The following ICE1 variants were observed in gnomAD, a reference collection of about 807,000 sequenced individuals.
ICE1 encodes little elongation complex subunit 1.
In ICE1, 64 loss-of-function variants were observed where a neutral mutation model predicts 192.7. The ratio of observed to expected loss-of-function variants is 0.33; its 90% CI spans 0.27 to 0.41. The LOEUF is 0.41. Ranked by LOEUF, ICE1 falls within the 10% of genes least tolerant of loss-of-function variation. The pLI is 1.00. For missense variants in ICE1, 2,708 were observed against 2,696.0 expected (o/e 1.00, Z -0.10); for synonymous variants, 1,010 against 984.5 (o/e 1.03, Z -0.49).
intron 17 of ICE1, among the ~76,000 whole-genome samples, chr5:5,484,862 A>C (rs1023121470): frequency 6.6e-6 from 1 of 152,228 alleles, no homozygotes; most frequent in Non-Finnish European, 1.5e-5. Flanking sequence ...AACGCTGAGC[A>C]TACAATATGA....
In ICE1 at chr5:5,422,776, C is replaced by A; in HGVS notation, c.-140C>A. 1 of 457,964 alleles carries A rather than the reference C, an allele frequency of 2.2e-6. No homozygotes were observed. The highest frequency in any genetic ancestry group is 3.5e-6 in the Non-Finnish European group (1 of 288,148). 28.4% of individuals were successfully genotyped at this position (457,964 alleles called of 1,614,324 possible). ...CCTTTTGCTAGCCCCACGGGGACCT[C>A]TGTGCACGGATGGACCCGCCCGGAC... On this transcript the variant is annotated 5_prime_UTR_variant, in exon 1 of 19. In the 5' UTR this introduces an upstream ATG that the reference lacks. Coordinates refer to ENST00000296564, the MANE Select transcript of ICE1 (RefSeq NM_015325.3).
rs750414017 is a variant in ICE1 at position 5,489,186 on chromosome 5, T to C, written c.6657T>C (p.Ala2219=). 1 of 1,614,028 alleles carries C rather than the reference T, an allele frequency of 6.2e-7. No homozygotes were observed. Among genetic ancestry groups the C allele is most frequent in the Non-Finnish European group, 8.5e-7 (1 of 1,179,894 alleles). Residue 2219 remains alanine (A), a synonymous_variant, in exon 19 of 19, where the codon GCT becomes GCC. Coordinates refer to ENST00000296564, the MANE Select transcript of ICE1 (RefSeq NM_015325.3). The part of the protein sequence containing the change: ...PWGIQLAAVY[A]LCDLSPSNPA... ...GTATACAGTTAGCAGCCGTGTATGC[T>C]CTTTGTGACTTGAGTCCCAGCAATC...
intron 17 of ICE1, among the ~76,000 whole-genome samples, chr5:5,477,786 G>A (rs1198344221): frequency 6.6e-5 from 10 of 152,104 alleles, no homozygotes; most frequent in South Asian, 2.1e-4. Context: ...TATCCACCAC[G>A]ATCAAGTCAG....
chr5:5,423,111 C>G, intron 1 of ICE1, 112 bp downstream of exon 1: 1 of 539,762 alleles, frequency 1.9e-6, no homozygotes, highest in Non-Finnish European at 2.8e-6. Flanking sequence ...GCTGCTCTCC[C>G]TTCCCAACCG....
Position 5,461,891 on chromosome 5 carries a change from G to T in ICE1, c.2557G>T (p.Val853Leu), listed in dbSNP as rs200574215. 95 of 1,613,862 alleles carry T rather than the reference G, an allele frequency of 5.9e-5. No individual in the cohort carries two copies. The Admixed American group carries it at 1.5e-3, about 26-fold the overall frequency. The stretch of plus-strand genomic sequence containing the variant: ...TGTAGAATTCAAGACCACTGCATCG[G>T]TGTTGCCTAATCAAGTATCAGTTAT... Reference protein sequence around the residue: ...NPVEFKTTASVLPNQVSVITK... With the variant: ...NPVEFKTTASLLPNQVSVITK... The change falls in exon 13 of 19, where the codon GTG becomes TTG. Residue 853 changes from valine (V) to leucine (L), a missense_variant. Physicochemically the swap from Val to Leu is conservative, Grantham distance 32. Coordinates refer to ENST00000296564, the MANE Select transcript of ICE1 (RefSeq NM_015325.3).
rs758626694 is a variant in ICE1 at position 5,436,493 on chromosome 5, G to T, written c.143+17G>T. ...CAATACAGAGTAAGTATATTTGCAT[G>T]TCGTTTGGCAGAACTTTGTAAACCT... On this transcript the variant is annotated intron_variant, in intron 2 of 18. Transcript: ENST00000296564. 3.4e-5 allele frequency: 48 copies of T among 1,422,040 alleles called. No individual in the cohort carries two copies. In the Middle Eastern group the frequency reaches 7.2e-4, roughly 21 times the overall value. The allele number at this position is 1,422,040 out of a possible 1,614,324, so 88.1% of individuals were successfully genotyped here. A position where few individuals can be genotyped will look rare whatever the true frequency, so the allele number is the denominator to read the frequency against.
At chr5:5,483,346 C>T (rs1468285802) in intron 17 of ICE1, among the ~76,000 whole-genome samples, 6 of 152,096 alleles carry the variant, frequency 3.9e-5, no homozygotes, top group Admixed American at 3.3e-4. Flanking sequence ...ATTTTTACTC[C>T]GTGGACAGTA....
intron 9 of ICE1, 29 bp downstream of exon 9, chr5:5,447,789 T>C: frequency 1.9e-6 from 3 of 1,573,000 alleles, no homozygotes; most frequent in South Asian, 1.2e-5. Flanking sequence ...CTTACATAAA[T>C]TTATTTTTGA....
intron 1 of ICE1, 29 bp downstream of exon 1, chr5:5,423,028 G>GC: frequency 2.3e-6 from 3 of 1,296,744 alleles, no homozygotes; most frequent in East Asian, 3.2e-5. Flanking sequence ...CCCCGGGCGC[G>GC]GGGGGGGACT....
At position 5,461,468 on chromosome 5, in the gene ICE1, G is replaced by A; in HGVS notation, c.2134G>A (p.Ala712Thr). The A allele has an allele frequency of 6.2e-7, 1 of 1,614,000 alleles. No homozygotes were observed. The highest frequency in any genetic ancestry group is 1.1e-5 in the South Asian group (1 of 91,078). The change falls in exon 13 of 19, where the codon GCA becomes ACA. Residue 712 changes from alanine to threonine, a missense_variant. Coordinates refer to ENST00000296564, the MANE Select transcript of ICE1 (RefSeq NM_015325.3). ...SLCALSPELG[A>T]SNFNDQKSSG... ...GTGTGCCTTGAGCCCTGAATTGGGA[G>A]CATCTAATTTTAATGATCAGAAGAG...
At chr5:5,437,203 C>A (rs1405115494) in intron 3 of ICE1, 89 bp downstream of exon 3, 1 of 994,920 alleles carries the variant, frequency 1.0e-6, no homozygotes, top group Non-Finnish European at 1.5e-6. Flanking sequence ...CCTCATAGGC[C>A]TTCTGGAAGA....
At chr5:5,427,544 A>AT (rs1461210900) in intron 1 of ICE1, among the ~76,000 whole-genome samples, 2 of 152,158 alleles carry the variant, frequency 1.3e-5, no homozygotes, top group African/African-American at 2.4e-5. Flanking sequence ...TCTAGATTAG[A>AT]TTCAGTGAGT....
chr5:5,432,433 T>A (rs1227803019), intron 1 of ICE1, among the ~76,000 whole-genome samples: 1 of 152,246 alleles, frequency 6.6e-6, no homozygotes, highest in East Asian at 1.9e-4. Context: ...CATCCTTTGA[T>A]GGACATTTAA....
chr5:5,449,266 T>C (rs1263572582), intron 10 of ICE1, among the ~76,000 whole-genome samples: 1 of 152,170 alleles, frequency 6.6e-6, no homozygotes, highest in Admixed American at 6.5e-5. Context: ...GGGAATCTGC[T>C]GGTTATTTAG....
chr5:5,453,261 A>G (rs554937347), intron 10 of ICE1, among the ~76,000 whole-genome samples: 1 of 152,132 alleles, frequency 6.6e-6, no homozygotes, highest in South Asian at 2.1e-4. Flanking sequence ...AGAATTTTGG[A>G]ACTGAAAAAT....
chr5:5,474,762 T>A (rs1739263882), intron 16 of ICE1, among the ~76,000 whole-genome samples: 1 of 152,222 alleles, frequency 6.6e-6, no homozygotes, highest in Non-Finnish European at 1.5e-5. Flanking sequence ...TGATAATCCA[T>A]ATCCTTGAGA....
intron 16 of ICE1, among the ~76,000 whole-genome samples, chr5:5,474,159 G>A (rs1038989326): frequency 3.7e-4 from 56 of 151,068 alleles, no homozygotes; most frequent in Non-Finnish European, 7.1e-4. Flanking sequence ...GCAGTGAGCG[G>A]AGATTGTGCC....
chr5:5,480,249 C>CTTTTTTTT (rs574170460), intron 17 of ICE1, among the ~76,000 whole-genome samples: 14 of 129,888 alleles, frequency 1.1e-4, no homozygotes, highest in South Asian at 2.5e-4. Flanking sequence ...TTTTCTTTTT[C>CTTTTTTTT]TTTTTTTTTT....
intron 17 of ICE1, among the ~76,000 whole-genome samples, chr5:5,477,189 C>G (rs901829395): frequency 6.6e-6 from 1 of 151,982 alleles, no homozygotes; most frequent in African/African-American, 2.4e-5. Context: ...TCAAAAAAAT[C>G]AATGAATCCA....
Sources: allele counts gnomAD v4.1 joint callset (sites outside exome capture counted in the v4.1 genomes callset), GRCh38; gene constraint gnomAD v4.1.1; transcripts MANE v1.5; gene names NCBI Gene and HGNC (gene_info 2026-07-23, HGNC 2026-07-21).